C1orf21: variants seen among roughly 807,000 people sequenced by gnomAD.
C1orf21 encodes the protein chromosome 1 open reading frame 21.
Under a neutral mutation model 18.7 loss-of-function variants are expected in C1orf21, and 3 were observed. That is an observed-to-expected ratio of 0.16 (90% CI 0.07 to 0.42). The LOEUF is 0.42. Among genes scored for constraint, C1orf21 ranks in the 10% least tolerant of loss-of-function variants. C1orf21 has a pLI of 0.99. For missense variants in C1orf21, 104 were observed against 143.6 expected (o/e 0.72, Z 1.41); for synonymous variants, 41 against 46.4 (o/e 0.88, Z 0.47).
At chr1:184,438,258 C>T (rs1656888803) in intron 1 of C1orf21, among the ~76,000 whole-genome samples, 1 of 151,606 alleles carries the variant, frequency 6.6e-6, no homozygotes, top group South Asian at 2.1e-4. Context: ...CTCTGTGTTG[C>T]CCTGAAAGTC....
intron 3 of C1orf21, among the ~76,000 whole-genome samples, chr1:184,575,981 A>G (rs924751480): frequency 2.6e-5 from 4 of 152,166 alleles, no homozygotes; most frequent in African/African-American, 9.7e-5. Flanking sequence ...CAAGGTGACA[A>G]GCAAAAATGG....
chr1:184,526,796 C>T (rs1658383790), intron 3 of C1orf21, among the ~76,000 whole-genome samples: 1 of 152,062 alleles, frequency 6.6e-6, no homozygotes, highest in South Asian at 2.1e-4. Context: ...TCTCAACCCC[C>T]TTCATTCATT....
At chr1:184,554,356 C>A (rs534126188) in intron 3 of C1orf21, among the ~76,000 whole-genome samples, 6 of 152,254 alleles carry the variant, frequency 3.9e-5, no homozygotes, top group African/African-American at 1.2e-4. Context: ...TTAGAATCCT[C>A]AAATCAGTGA....
chr1:184,605,830 G>A (rs1028483869), intron 5 of C1orf21, among the ~76,000 whole-genome samples: 1 of 152,210 alleles, frequency 6.6e-6, no homozygotes, highest in Non-Finnish European at 1.5e-5. Context: ...TATGTGCTCT[G>A]TAATTGGTAG....
At chr1:184,457,761 G>T (rs1337844612) in intron 1 of C1orf21, among the ~76,000 whole-genome samples, 3 of 152,178 alleles carry the variant, frequency 2.0e-5, no homozygotes, top group Non-Finnish European at 4.4e-5. Context: ...GAGAAAGTGA[G>T]ATTGCATCAG....
chr1:184,421,848 A>G (rs756717554), intron 1 of C1orf21, among the ~76,000 whole-genome samples: 43 of 152,028 alleles, frequency 2.8e-4, no homozygotes, highest in Admixed American at 1.0e-3. Context: ...TAATTAGTAT[A>G]ACAAATATCT....
At chr1:184,414,862 A>G (rs770824859) in intron 1 of C1orf21, among the ~76,000 whole-genome samples, 3 of 152,140 alleles carry the variant, frequency 2.0e-5, no homozygotes, top group Non-Finnish European at 2.9e-5. Flanking sequence ...GGCCACCTTT[A>G]GGTCAATTAT....
At chr1:184,552,490 A>G (rs535744098) in intron 3 of C1orf21, among the ~76,000 whole-genome samples, 218 of 152,286 alleles carry the variant, frequency 1.4e-3, no homozygotes, top group Non-Finnish European at 2.8e-3. Flanking sequence ...AATAGCCACA[A>G]CCTTTCTGGA....
chr1:184,482,127 C>T (rs1302992894), intron 2 of C1orf21, among the ~76,000 whole-genome samples: 1 of 152,306 alleles, frequency 6.6e-6, no homozygotes, highest in East Asian at 1.9e-4. Flanking sequence ...TATTATTCCT[C>T]ACGATTCTGG....
At chr1:184,401,778 C>CAA (rs541965919) in intron 1 of C1orf21, among the ~76,000 whole-genome samples, 383 of 127,214 alleles carry the variant, frequency 3.0e-3, no homozygotes, top group Middle Eastern at 0.02. Flanking sequence ...ACATTTACAG[C>CAA]AAAAAAAAAA....
chr1:184,402,038 T>C (rs1363047635), intron 1 of C1orf21, among the ~76,000 whole-genome samples: 1 of 152,184 alleles, frequency 6.6e-6, no homozygotes, highest in African/African-American at 2.4e-5. Context: ...AAAAAGTAAA[T>C]TCACATAACC....
At chr1:184,477,306 G>A in intron 1 of C1orf21, 80 bp from the exon 2 acceptor site, 1 of 549,270 alleles carries the variant, frequency 1.8e-6, no homozygotes, top group Admixed American at 3.2e-5. Context: ...GTATACTGCA[G>A]GGCACAGCAC....
chr1:184,486,258 G>A (rs895799410), intron 2 of C1orf21, among the ~76,000 whole-genome samples: 7 of 152,346 alleles, frequency 4.6e-5, no homozygotes, highest in Admixed American at 4.6e-4. Flanking sequence ...TAGGGAAAAT[G>A]AAACATGCGT....
chr1:184,624,728 A>T lies in C1orf21; in HGVS notation c.*5172A>T, dbSNP rs369704430. 1 of 152,190 alleles carries T rather than the reference A, an allele frequency of 6.6e-6. No individual in the cohort carries two copies. The highest frequency in any genetic ancestry group is 1.5e-5 in the Non-Finnish European group (1 of 68,052). 9.4% of individuals were successfully genotyped at this position (152,190 alleles called of 1,614,324 possible). A position where few individuals can be genotyped will look rare whatever the true frequency, so the allele number is the denominator to read the frequency against. On this transcript the variant is annotated 3_prime_UTR_variant, in exon 6 of 6. Coordinates refer to ENST00000235307, the MANE Select transcript of C1orf21 (RefSeq NM_030806.4). ...ATGCAAATCTCTTTCGAGACCTTAC[A>T]TGTTTTAGATAGTCATGTAATGACT... is the stretch of plus-strand genomic sequence containing the variant.
At chr1:184,463,047 A>G (rs371844887) in intron 1 of C1orf21, among the ~76,000 whole-genome samples, 1 of 143,908 alleles carries the variant, frequency 6.9e-6, no homozygotes, top group Non-Finnish European at 1.5e-5. Flanking sequence ...ATGCCATTGC[A>G]CTCTGGCCTG....
chr1:184,620,795 T>C lies in C1orf21; in HGVS notation c.*1239T>C, dbSNP rs1341323172. ...ATTTTTCCATACTATATGAAGAGAA[T>C]GATCTCTTCTCAAAGACAGAAGTGA... On this transcript the variant is annotated 3_prime_UTR_variant, in exon 6 of 6. Coordinates refer to ENST00000235307, the MANE Select transcript of C1orf21 (RefSeq NM_030806.4). 1 of 152,676 alleles carries C rather than the reference T, an allele frequency of 6.5e-6. No homozygotes were observed. The highest frequency in any genetic ancestry group is 2.4e-5 in the African/African-American group (1 of 41,468). The allele number at this position is 152,676 out of a possible 1,614,324, so 9.5% of individuals were successfully genotyped here.
chr1:184,451,630 G>T (rs1463668421), intron 1 of C1orf21, among the ~76,000 whole-genome samples: 1 of 151,968 alleles, frequency 6.6e-6, no homozygotes, highest in East Asian at 1.9e-4. Flanking sequence ...ATCTCAGTCT[G>T]TCCTTCAAGT....
chr1:184,576,765 G>A (rs113288448), intron 3 of C1orf21, among the ~76,000 whole-genome samples: 2 of 152,188 alleles, frequency 1.3e-5, no homozygotes, highest in African/African-American at 2.4e-5. Flanking sequence ...GTGGTCTTTC[G>A]AGAATTCAGA....
Position 184,468,258 on chromosome 1 carries a change from C to T in C1orf21, c.-124-9128C>T, listed in dbSNP as rs114085682. Among the ~76,000 whole-genome samples, 402 of 152,268 alleles carry T rather than the reference C, an allele frequency of 2.6e-3. 4 individuals carry two copies. Among genetic ancestry groups the T allele is most frequent in the African/African-American group, 9.0e-3 (376 of 41,570 alleles). On this transcript the variant is annotated intron_variant, in intron 1 of 5. Transcript: ENST00000235307. ...AGCTCTCTGCCTAGCAGGATGGAAGCAGGTTTTCTGAATCATTGGATCATC... is the reference window on the plus strand; with the variant it reads ...AGCTCTCTGCCTAGCAGGATGGAAGTAGGTTTTCTGAATCATTGGATCATC...
Sources: gnomAD v4.1 joint callset for allele counts (sites outside exome capture counted in the v4.1 genomes callset) on GRCh38, gnomAD v4.1.1 for gene constraint, MANE v1.5 for transcripts, NCBI Gene and HGNC (gene_info 2026-07-23, HGNC 2026-07-21) for gene names.